Variants in OLFM3 observed in about 807,000 individuals in gnomAD.
The protein encoded by OLFM3 is noelin-3.
Under a neutral mutation model 48.6 loss-of-function variants are expected in OLFM3, and 20 were observed. The observed-to-expected ratio is 0.41, with a 90% CI of 0.29 to 0.60. The LOEUF (loss-of-function observed/expected upper bound fraction) is 0.60, where lower values mean the gene tolerates loss of function less well. OLFM3 is among the 20% of genes least tolerant of loss of function. OLFM3 has a pLI of 0.28. For synonymous variants in OLFM3, 222 were observed against 198.1 expected (o/e 1.12, Z -1.01); for missense variants, 437 against 544.3 (o/e 0.80, Z 1.96).
chr1:101,925,712 A>T (rs960092818), intron 1 of OLFM3, among the ~76,000 whole-genome samples: 14 of 149,366 alleles, frequency 9.4e-5, no homozygotes, highest in Non-Finnish European at 1.9e-4. Context: ...TTTTTTTGGT[A>T]GAGAAGGGGT....
chr1:101,935,168 A>G (rs948717424), intron 1 of OLFM3, among the ~76,000 whole-genome samples: 15 of 152,062 alleles, frequency 9.9e-5, no homozygotes, highest in African/African-American at 3.6e-4. Context: ...AAAATACAAG[A>G]CATCAACGAA....
chr1:101,942,137 G>A (rs1419759116), intron 1 of OLFM3, among the ~76,000 whole-genome samples: 1 of 152,110 alleles, frequency 6.6e-6, no homozygotes, highest in Admixed American at 6.5e-5. Context: ...AATCATTTTG[G>A]GGTAATGGAA....
At chr1:101,813,653 C>T (rs548881917) in intron 4 of OLFM3, among the ~76,000 whole-genome samples, 1 of 152,144 alleles carries the variant, frequency 6.6e-6, no homozygotes, top group South Asian at 2.1e-4. Flanking sequence ...ATTTGATTCT[C>T]CTCTGTGTAA....
chr1:101,967,837 T>C (rs1660660985), intron 1 of OLFM3, among the ~76,000 whole-genome samples: 1 of 151,980 alleles, frequency 6.6e-6, no homozygotes, highest in East Asian at 1.9e-4. Context: ...TTTAGAGGAG[T>C]TGGGGGAGGT....
intron 1 of OLFM3, among the ~76,000 whole-genome samples, chr1:101,865,834 A>G (rs1656838100): frequency 6.6e-6 from 1 of 152,224 alleles, no homozygotes; most frequent in African/African-American, 2.4e-5. Flanking sequence ...ATTTAACTCT[A>G]CTAGATTTGC....
intron 1 of OLFM3, among the ~76,000 whole-genome samples, chr1:101,903,739 A>G (rs1473416620): frequency 6.6e-6 from 1 of 152,092 alleles, no homozygotes; most frequent in Admixed American, 6.6e-5. Context: ...ACAGCTTTAT[A>G]TATTTCAATG....
intron 4 of OLFM3, among the ~76,000 whole-genome samples, chr1:101,814,837 G>A (rs1291411563): frequency 6.6e-6 from 1 of 152,096 alleles, no homozygotes; most frequent in Middle Eastern, 3.2e-3. Flanking sequence ...ATAGTGCTTG[G>A]TACATAGTTA....
rs1203068006 is a variant in OLFM3, at chr1:101,803,571, T to C, written c.*667A>G. The C allele has an allele frequency of 1.3e-5, 2 of 152,150 alleles. No individual in the cohort carries two copies. The highest frequency in any genetic ancestry group is 3.9e-4 in the East Asian group (2 of 5,148). The allele number at this position is 152,150 out of a possible 1,614,324, so 9.4% of individuals were successfully genotyped here. A position where few individuals can be genotyped will look rare whatever the true frequency, so the allele number is the denominator to read the frequency against. The stretch of plus-strand genomic sequence containing the variant: ...TGACCACACTTGAAAATGGACTCAA[T>C]TACTGAGGTTAAATTTCAGTGTATT... On this transcript the variant is annotated 3_prime_UTR_variant, in exon 6 of 6. Coordinates refer to ENST00000370103, the MANE Select transcript of OLFM3 (RefSeq NM_058170.4).
chr1:101,958,493 C>A (rs1243533982), intron 1 of OLFM3, among the ~76,000 whole-genome samples: 2 of 152,022 alleles, frequency 1.3e-5, no homozygotes, highest in Admixed American at 6.6e-5. Flanking sequence ...TTTGAGAGTT[C>A]TGTCTACAAT....
intron 1 of OLFM3, among the ~76,000 whole-genome samples, chr1:101,927,109 C>A (rs1000203886): frequency 3.3e-5 from 5 of 152,046 alleles, no homozygotes; most frequent in African/African-American, 1.2e-4. Flanking sequence ...TTATTTTTTA[C>A]ATATGACTAC....
intron 4 of OLFM3, among the ~76,000 whole-genome samples, chr1:101,807,428 A>G (rs1431251778): frequency 6.6e-6 from 1 of 151,738 alleles, no homozygotes; most frequent in African/African-American, 2.4e-5. Context: ...CTGACTATTT[A>G]GAATTGATCA....
chr1:101,880,261 T>C (rs1476738605), intron 1 of OLFM3, among the ~76,000 whole-genome samples: 2 of 151,786 alleles, frequency 1.3e-5, no homozygotes, highest in Non-Finnish European at 2.9e-5. Flanking sequence ...CTTGGATACC[T>C]GCTATTCTGC....
chr1:101,928,849 A>T (rs1243000860), intron 1 of OLFM3, among the ~76,000 whole-genome samples: 2 of 152,106 alleles, frequency 1.3e-5, no homozygotes. Flanking sequence ...TACTCAAAAG[A>T]GGCTTGTATT....
At chr1:101,809,494 A>T (rs1653943333) in intron 4 of OLFM3, among the ~76,000 whole-genome samples, 1 of 151,858 alleles carries the variant, frequency 6.6e-6, no homozygotes, top group African/African-American at 2.4e-5. Flanking sequence ...ACTTTCCAAA[A>T]ATTTACCTAC....
At chr1:101,980,127 T>A (rs1661067913) in intron 1 of OLFM3, among the ~76,000 whole-genome samples, 1 of 152,204 alleles carries the variant, frequency 6.6e-6, no homozygotes, top group Non-Finnish European at 1.5e-5. Context: ...ATCTAGTAAC[T>A]AACTTGCTTT....
chr1:101,811,662 G>A (rs2100870123), intron 4 of OLFM3, among the ~76,000 whole-genome samples: 1 of 152,276 alleles, frequency 6.6e-6, no homozygotes, highest in South Asian at 2.1e-4. Flanking sequence ...AGTTAGAATG[G>A]CAATCATTAA....
At chr1:101,962,697 A>C (rs1315555748) in intron 1 of OLFM3, among the ~76,000 whole-genome samples, 6 of 152,216 alleles carry the variant, frequency 3.9e-5, no homozygotes. Flanking sequence ...CAAAGAACAG[A>C]AAATATTCTG....
chr1:101,855,036 A>C (rs1163046643), intron 1 of OLFM3, among the ~76,000 whole-genome samples: 2 of 152,092 alleles, frequency 1.3e-5, no homozygotes, highest in East Asian at 3.8e-4. Flanking sequence ...TGTTAGTGAC[A>C]AGCGAAGTTC....
chr1:101,932,602 G>A (rs1000058375), intron 1 of OLFM3, among the ~76,000 whole-genome samples: 7 of 152,030 alleles, frequency 4.6e-5, no homozygotes, highest in Non-Finnish European at 7.4e-5. Flanking sequence ...AATCCCTAAC[G>A]GCATGACAGA....
Sources: gnomAD v4.1 joint callset for allele counts (sites outside exome capture counted in the v4.1 genomes callset) on GRCh38, gnomAD v4.1.1 for gene constraint, MANE v1.5 for transcripts, NCBI Gene and HGNC (gene_info 2026-07-23, HGNC 2026-07-21) for gene names.